CYSTM1: variants seen among roughly 807,000 people sequenced by gnomAD.
The protein encoded by CYSTM1 is cysteine rich transmembrane module containing 1.
A neutral mutation model predicts 13.1 loss-of-function variants in CYSTM1; 4 were observed. The observed-to-expected ratio is 0.31, with a 90% CI of 0.15 to 0.70. The LOEUF is 0.70. CYSTM1 is among the 30% of genes least tolerant of loss of function. CYSTM1 has a pLI of 0.72. For missense variants in CYSTM1, 96 were observed against 121.6 expected (o/e 0.79, Z 0.99); for synonymous variants, 36 against 42.7 (o/e 0.84, Z 0.62).
rs1763866132 is a variant in CYSTM1 at position 140,175,318 on chromosome 5, G to A, written c.-21+33G>A. On this transcript the variant is annotated intron_variant, in intron 1 of 2. Coordinates refer to ENST00000261811, the MANE Select transcript of CYSTM1 (RefSeq NM_032412.4). The surrounding 1 kb of genome is among the most constrained non-coding windows in gnomAD (Gnocchi z 4.9). ...GCAGCGGACCTGGCCCGACCCAGCT[G>A]GGACCAGGGCGGGGATCAGGCACGG... 6.6e-6 allele frequency: 1 copy of A among 152,656 alleles called. No individual in the cohort carries two copies. The highest frequency in any genetic ancestry group is 2.4e-5 in the African/African-American group (1 of 41,470). 9.5% of individuals were successfully genotyped at this position (152,656 alleles called of 1,614,324 possible). A position where few individuals can be genotyped will look rare whatever the true frequency, so the allele number is the denominator to read the frequency against.
chr5:140,191,550 C>T (rs948595183), intron 1 of CYSTM1, among the ~76,000 whole-genome samples: 1 of 152,176 alleles, frequency 6.6e-6, no homozygotes, highest in African/African-American at 2.4e-5. Context: ...CAATAAAAGT[C>T]ATGAAACATT....
intron 2 of CYSTM1, among the ~76,000 whole-genome samples, chr5:140,235,035 C>T (rs1314641658): frequency 2.7e-5 from 4 of 150,348 alleles, no homozygotes; most frequent in African/African-American, 4.9e-5. Context: ...GGCGCGATCT[C>T]GGCTTACTGC....
intron 2 of CYSTM1, among the ~76,000 whole-genome samples, chr5:140,211,852 CAGG>C (rs1266798588): frequency 6.6e-6 from 1 of 152,150 alleles, no homozygotes; most frequent in East Asian, 1.9e-4. Context: ...GAGACTGAGG[CAGG>C]AGAATTGCTT....
intron 2 of CYSTM1, chr5:140,200,887 C>G (rs2436397): frequency 6.6e-6 from 1 of 152,158 alleles, no homozygotes; most frequent in African/African-American, 2.4e-5. Context: ...TACTCTGTCT[C>G]TATAGATTTG....
intron 1 of CYSTM1, among the ~76,000 whole-genome samples, chr5:140,182,373 G>C (rs149714694): frequency 3.5e-4 from 53 of 152,238 alleles, no homozygotes; most frequent in Non-Finnish European, 7.1e-4. Flanking sequence ...ATGATACTAG[G>C]AAGGCCACAG....
chr5:140,212,983 G>GTGTGTATATATATATATATA (rs1405430820), intron 2 of CYSTM1, among the ~76,000 whole-genome samples: 8 of 114,294 alleles, frequency 7.0e-5, no homozygotes, highest in Admixed American at 3.7e-4. Flanking sequence ...CAAAACAAAA[G>GTGTGTATATATATATATATA]TATATATATA....
chr5:140,233,645 A>T (rs1315688903), intron 2 of CYSTM1, among the ~76,000 whole-genome samples: 1 of 152,168 alleles, frequency 6.6e-6, no homozygotes, highest in Non-Finnish European at 1.5e-5. Flanking sequence ...CCAGTACTTG[A>T]TATTGTCAGC....
chr5:140,194,462 C>G lies in CYSTM1; in HGVS notation c.-4C>G. 2 of 1,576,004 alleles carry G rather than the reference C, an allele frequency of 1.3e-6. No homozygotes were observed. Among genetic ancestry groups the G allele is most frequent in the Non-Finnish European group, 1.7e-6 (2 of 1,168,486 alleles). ...GTCTCTTAGGTGCACTTTACAGGTC[C>G]CCGATGAACCAAGAGAACCCTCCAC... On this transcript the variant is annotated 5_prime_UTR_variant, in exon 2 of 3. Coordinates refer to ENST00000261811, the MANE Select transcript of CYSTM1 (RefSeq NM_032412.4).
chr5:140,237,816 C>A (rs1232773064), intron 2 of CYSTM1, among the ~76,000 whole-genome samples: 2 of 152,184 alleles, frequency 1.3e-5, no homozygotes, highest in Non-Finnish European at 1.5e-5. Flanking sequence ...TCATCAGTTT[C>A]TCAGAAGGCT....
chr5:140,242,160 C>A (rs959530265), intron 2 of CYSTM1, among the ~76,000 whole-genome samples: 2 of 152,148 alleles, frequency 1.3e-5, no homozygotes, highest in Admixed American at 6.5e-5. Context: ...TAGACCCAGA[C>A]CTGTGCTGCT....
At chr5:140,198,755 A>G (rs946484326) in intron 2 of CYSTM1, among the ~76,000 whole-genome samples, 26 of 152,180 alleles carry the variant, frequency 1.7e-4, no homozygotes, top group African/African-American at 5.6e-4. Flanking sequence ...GTACAATCCA[A>G]TGGTTTTCAG....
intron 2 of CYSTM1, among the ~76,000 whole-genome samples, chr5:140,212,485 GT>G (rs1254488957): frequency 6.6e-6 from 1 of 152,084 alleles, no homozygotes; most frequent in Non-Finnish European, 1.5e-5. Context: ...GGCTTATGTG[GT>G]TTGGCGTGCA....
At chr5:140,195,365 T>C (rs1764140873) in intron 2 of CYSTM1, among the ~76,000 whole-genome samples, 1 of 151,944 alleles carries the variant, frequency 6.6e-6, no homozygotes, top group South Asian at 2.1e-4. Context: ...AGGAGCACTG[T>C]GCTAGATGTC....
At chr5:140,199,815 C>G (rs1212646860) in intron 2 of CYSTM1, among the ~76,000 whole-genome samples, 1 of 152,206 alleles carries the variant, frequency 6.6e-6, no homozygotes, top group Non-Finnish European at 1.5e-5. Flanking sequence ...GATCACCATT[C>G]TAACTGGCGT....
intron 1 of CYSTM1, among the ~76,000 whole-genome samples, chr5:140,187,677 T>C (rs1764035087): frequency 6.6e-6 from 1 of 152,352 alleles, no homozygotes; most frequent in South Asian, 2.1e-4. Flanking sequence ...CCTGCTCTTA[T>C]GTTTTTAAAC....
intron 2 of CYSTM1, among the ~76,000 whole-genome samples, chr5:140,227,503 T>C (rs1764571289): frequency 6.6e-6 from 1 of 152,050 alleles, no homozygotes; most frequent in Non-Finnish European, 1.5e-5. Flanking sequence ...GAGACAGAAT[T>C]GGATTTAAGG....
intron 2 of CYSTM1, among the ~76,000 whole-genome samples, chr5:140,229,203 C>CT (rs373851715): frequency 7.9e-5 from 12 of 151,294 alleles, no homozygotes; most frequent in Non-Finnish European, 1.0e-4. Context: ...ATCTGACTCT[C>CT]TTTTTTTTTG....
intron 1 of CYSTM1, among the ~76,000 whole-genome samples, chr5:140,181,219 A>C (rs529656411): frequency 2.0e-5 from 3 of 152,328 alleles, no homozygotes; most frequent in Non-Finnish European, 4.4e-5. Context: ...ATTTGTAAGA[A>C]TGTGGCTATT....
chr5:140,196,802 G>C (rs1311990152), intron 2 of CYSTM1, among the ~76,000 whole-genome samples: 2 of 152,136 alleles, frequency 1.3e-5, no homozygotes, highest in Non-Finnish European at 2.9e-5. Context: ...TTCAAAAACA[G>C]ACAAAAACTA....
Sources: gnomAD v4.1 joint callset for allele counts (sites outside exome capture counted in the v4.1 genomes callset) on GRCh38, gnomAD v4.1.1 for gene constraint, Gnocchi (gnomAD v3.1) non-coding constraint, MANE v1.5 for transcripts, NCBI Gene and HGNC (gene_info 2026-07-23, HGNC 2026-07-21) for gene names.